NTRK3: variants seen among roughly 807,000 people sequenced by gnomAD.
NTRK3 encodes the protein NT-3 growth factor receptor.
Under a neutral mutation model 91.7 loss-of-function variants are expected in NTRK3, and 24 were observed. That is an observed-to-expected ratio of 0.26 (90% CI 0.19 to 0.37). The LOEUF is 0.37. NTRK3 is among the 10% of genes least tolerant of loss of function. The pLI, the probability that NTRK3 is intolerant of heterozygous loss-of-function variation, is 1.00. For missense variants in NTRK3, 880 were observed against 1,068.9 expected (o/e 0.82, Z 2.46); for synonymous variants, 483 against 404.0 (o/e 1.20, Z -2.34).
At chr15:87,908,423 G>T (rs1175929976) in intron 17 of NTRK3, 2 of 399,152 alleles carry the variant, frequency 5.0e-6, no homozygotes, top group Non-Finnish European at 8.8e-6. Context: ...AAGCCTGCAA[G>T]CTGTCTGTCT....
chr15:88,200,189 A>T (rs1283996538), intron 3 of NTRK3, among the ~76,000 whole-genome samples: 1 of 152,284 alleles, frequency 6.6e-6, no homozygotes. Flanking sequence ...GCCAGAAGCC[A>T]CTCATCAGTT....
intron 13 of NTRK3, among the ~76,000 whole-genome samples, chr15:88,105,713 C>CA (rs1567416313): frequency 4.5e-4 from 68 of 151,816 alleles, no homozygotes; most frequent in African/African-American, 1.4e-3. Flanking sequence ...ACACACACAC[C>CA]CCCACACCAG....
At chr15:88,183,724 G>C (rs2046718965) in intron 4 of NTRK3, among the ~76,000 whole-genome samples, 1 of 152,210 alleles carries the variant, frequency 6.6e-6, no homozygotes, top group African/African-American at 2.4e-5. Flanking sequence ...CATACTGGCA[G>C]CTGCCCTCCA....
chr15:87,947,623 T>C (rs2070694659), intron 14 of NTRK3, among the ~76,000 whole-genome samples: 1 of 151,432 alleles, frequency 6.6e-6, no homozygotes, highest in Non-Finnish European at 1.5e-5. Flanking sequence ...GGCTCACCCA[T>C]TACAAGGTGA....
At chr15:88,189,384 A>C (rs2047203265) in intron 3 of NTRK3, among the ~76,000 whole-genome samples, 1 of 151,782 alleles carries the variant, frequency 6.6e-6, no homozygotes, top group African/African-American at 2.4e-5. Context: ...GACTACAAAC[A>C]TTCTTTGTGC....
At chr15:88,074,583 A>T (rs1314832638) in intron 13 of NTRK3, among the ~76,000 whole-genome samples, 1 of 152,248 alleles carries the variant, frequency 6.6e-6, no homozygotes, top group East Asian at 1.9e-4. Context: ...CTAATCATGG[A>T]AAGAGCAACA....
At chr15:87,943,119 C>T (rs979386018) in intron 14 of NTRK3, among the ~76,000 whole-genome samples, 2 of 152,132 alleles carry the variant, frequency 1.3e-5, no homozygotes, top group Non-Finnish European at 2.9e-5. Flanking sequence ...GGATTCCAAT[C>T]TAGTAGGTCC....
At chr15:87,937,099 C>T (rs1457474909) in intron 15 of NTRK3, among the ~76,000 whole-genome samples, 2 of 152,190 alleles carry the variant, frequency 1.3e-5, no homozygotes, top group Non-Finnish European at 2.9e-5. Context: ...GCTGTGTCTA[C>T]ATGACAGCCC....
At chr15:87,889,396 CTT>C (rs568030482) in intron 17 of NTRK3, among the ~76,000 whole-genome samples, 101 of 95,610 alleles carry the variant, frequency 1.1e-3, no homozygotes, top group African/African-American at 4.2e-3. Context: ...TTATTAGTTC[CTT>C]TTTTTTTTTT....
chr15:88,218,956 G>A (rs1403252073), intron 3 of NTRK3, among the ~76,000 whole-genome samples: 3 of 152,238 alleles, frequency 2.0e-5, no homozygotes, highest in African/African-American at 7.2e-5. Flanking sequence ...CTGTACTGGA[G>A]GGGGCATGGC....
In NTRK3 at chr15:88,245,734, T is replaced by C. The variant is rs573782007; in HGVS notation, c.248+10172A>G. ...CACACACGTGCTCATTGAAATCTTA[T>C]AATAGTCCTGCCTTATGTTTATTAT... On this transcript the variant is annotated intron_variant, in intron 3 of 18. Coordinates refer to ENST00000394480, the Ensembl canonical transcript of NTRK3. 1.4e-4 allele frequency among the ~76,000 whole-genome samples: 22 copies of C among 152,270 alleles called. 1 individual carries two copies. Among genetic ancestry groups the C allele is most frequent in the Non-Finnish European group, 2.9e-4 (20 of 68,026 alleles).
intron 3 of NTRK3, among the ~76,000 whole-genome samples, chr15:88,216,714 A>G (rs1047731486): frequency 1.3e-5 from 2 of 152,132 alleles, no homozygotes; most frequent in Non-Finnish European, 1.5e-5. Context: ...TGCCTGGGGA[A>G]TGGTTATCAC....
At chr15:88,212,173 C>T (rs1249312594) in intron 3 of NTRK3, among the ~76,000 whole-genome samples, 1 of 152,142 alleles carries the variant, frequency 6.6e-6, no homozygotes, top group Non-Finnish European at 1.5e-5. Context: ...TCGAGACCAT[C>T]CTGGCTAACA....
chr15:88,002,110 T>C (rs1048243391), intron 14 of NTRK3, among the ~76,000 whole-genome samples: 3 of 151,042 alleles, frequency 2.0e-5, no homozygotes, highest in Non-Finnish European at 4.4e-5. Context: ...CAGAGAAGGA[T>C]GATAATGTTG....
rs531684348 is a variant in NTRK3 at position 87,894,474 on chromosome 15, A to G, written c.2134-14046T>C. Reference sequence around the variant, plus strand: ...ATCGTGTGTACAGTCATAGATACAGACCTGGGCCTGTCGGTCCTGCCCTGA... The same window carrying G: ...ATCGTGTGTACAGTCATAGATACAGGCCTGGGCCTGTCGGTCCTGCCCTGA... On this transcript the variant is annotated intron_variant, in intron 17 of 18. Transcript: ENST00000394480. Among the ~76,000 whole-genome samples, 9 of 152,240 alleles carry G rather than the reference A, an allele frequency of 5.9e-5. No homozygotes were observed. In the East Asian group the frequency reaches 1.7e-3, roughly 29 times the overall value.
intron 13 of NTRK3, among the ~76,000 whole-genome samples, chr15:88,110,581 C>T (rs925450318): frequency 5.9e-5 from 9 of 152,326 alleles, no homozygotes; most frequent in South Asian, 4.1e-4. Context: ...GGTCTGCTGA[C>T]ATGAGTGGTA....
At chr15:88,043,573 C>T (rs1026608201) in intron 13 of NTRK3, among the ~76,000 whole-genome samples, 4 of 152,176 alleles carry the variant, frequency 2.6e-5, no homozygotes, top group African/African-American at 9.7e-5. Flanking sequence ...CATCATGTCC[C>T]TTTTGGCACT....
At chr15:88,067,994 A>G (rs1597110714) in intron 13 of NTRK3, among the ~76,000 whole-genome samples, 1 of 152,206 alleles carries the variant, frequency 6.6e-6, no homozygotes, top group African/African-American at 2.4e-5. Flanking sequence ...GGCTGTGACT[A>G]TCTTAGGAAA....
chr15:88,096,472 C>T (rs991646969), intron 13 of NTRK3, among the ~76,000 whole-genome samples: 14 of 152,164 alleles, frequency 9.2e-5, no homozygotes, highest in East Asian at 1.9e-4. Flanking sequence ...AGGCCCCACT[C>T]ATATCCCTGG....
Sources: gnomAD v4.1 joint callset for allele counts (sites outside exome capture counted in the v4.1 genomes callset) on GRCh38, gnomAD v4.1.1 for gene constraint, MANE v1.5 for transcripts, NCBI Gene and HGNC (gene_info 2026-07-23, HGNC 2026-07-21) for gene names.